TECTA: variants seen among roughly 807,000 people sequenced by gnomAD.
TECTA encodes tectorin alpha.
A neutral mutation model predicts 216.8 loss-of-function variants in TECTA; 128 were observed. That is an observed-to-expected ratio of 0.59 (90% CI 0.51 to 0.68). TECTA has a LOEUF of 0.68. TECTA is among the 30% of genes least tolerant of loss of function. The pLI is 0.00. For missense variants in TECTA, 2,551 were observed against 2,786.2 expected (o/e 0.92, Z 1.90); for synonymous variants, 1,089 against 1,117.1 (o/e 0.97, Z 0.50).
rs886974109 is a variant in TECTA at position 121,168,056 on chromosome 11, C to A, written c.5589C>A (p.Ser1863=). 8 of 1,614,002 alleles carry A rather than the reference C, an allele frequency of 5.0e-6. No individual in the cohort carries two copies. The highest frequency in any genetic ancestry group is 1.3e-5 in the African/African-American group (1 of 74,910). ...TKGNCGNIVQ[S]NGTHIMYKNT... Reference sequence around the variant, plus strand: ...TCTGACTTCCCCTTGTTCTGCAGTCCAATGGCACGCATATCATGTATAAAA... The same window carrying A: ...TCTGACTTCCCCTTGTTCTGCAGTCAAATGGCACGCATATCATGTATAAAA... The change falls in exon 19 of 24, where the codon TCC becomes TCA. Residue 1863 remains serine, a splice_region_variant and synonymous_variant. Transcript: ENST00000392793.
Position 121,127,635 on chromosome 11 carries a change from G to T in TECTA, c.1775-117G>T. The T allele has an allele frequency of 8.3e-7, 1 of 1,208,102 alleles. No individual in the cohort carries two copies. The highest frequency in any genetic ancestry group is 1.2e-6 in the Non-Finnish European group (1 of 817,758). 74.8% of individuals were successfully genotyped at this position (1,208,102 alleles called of 1,614,324 possible). On this transcript the variant is annotated intron_variant, in intron 8 of 23. Transcript: ENST00000392793. The surrounding 1 kb of genome is among the most constrained non-coding windows in gnomAD (Gnocchi z 5.0). ...ACCTCAATTCTGTCTTCCCCGAGTGGCCGCTTGACCCTCACTCTAGGAACT... is the reference window on the plus strand; with the variant it reads ...ACCTCAATTCTGTCTTCCCCGAGTGTCCGCTTGACCCTCACTCTAGGAACT...
At chr11:121,138,863 G>A (rs1946756868) in intron 11 of TECTA, among the ~76,000 whole-genome samples, 2 of 152,320 alleles carry the variant, frequency 1.3e-5, no homozygotes, top group South Asian at 2.1e-4. Flanking sequence ...TAGGGTGCTT[G>A]CCTTCTTGAC....
rs534022893 is a variant in TECTA at position 121,127,422 on chromosome 11, C to G, written c.1775-330C>G. On this transcript the variant is annotated intron_variant, in intron 8 of 23. Transcript: ENST00000392793. The surrounding 1 kb of genome is among the most constrained non-coding windows in gnomAD (Gnocchi z 5.0). ...ATTTATATGTCCATCAGTGGAAGGT[C>G]TTAAAATATCTCGGTAGTGTGGATC... Among the ~76,000 whole-genome samples the G allele has an allele frequency of 2.0e-5, 3 of 152,218 alleles. No homozygotes were observed. The South Asian group carries it at 6.2e-4, about 32-fold the overall frequency.
At chr11:121,155,505 A>G (rs928310899) in intron 13 of TECTA, among the ~76,000 whole-genome samples, 1 of 152,208 alleles carries the variant, frequency 6.6e-6, no homozygotes, top group Non-Finnish European at 1.5e-5. Context: ...TGAAGATGAA[A>G]GAATCAGCAA....
At position 121,153,051 on chromosome 11, in the gene TECTA, G is replaced by A. The variant is rs143250687; in HGVS notation, c.4276G>A (p.Gly1426Ser). 1.2e-6 allele frequency: 2 copies of A among 1,614,040 alleles called. No homozygotes were observed. The highest frequency in any genetic ancestry group is 1.3e-5 in the African/African-American group (1 of 75,058). ...GAGCTGCATCCTGCCCCACAGCTGC[G>A]GCTGCTACTCCGATGGCAAATATTA... ...GKSCILPHSCGCYSDGKYYEP... is the reference protein window; with the variant it reads ...GKSCILPHSCSCYSDGKYYEP... The change falls in exon 13 of 24, where the codon GGC (glycine) becomes AGC (serine). Residue 1426 changes from glycine (G) to serine (S), a missense_variant. Gly to Ser is a moderately conservative substitution (Grantham distance 56). Transcript: ENST00000392793.
At position 121,129,937 on chromosome 11, in the gene TECTA, TGG is replaced by T; in HGVS notation, c.2670_2671del (p.Asp891ProfsTer8). 6.2e-7 allele frequency: 1 copy of T among 1,610,640 alleles called. No homozygotes were observed. Among genetic ancestry groups the T allele is most frequent in the Non-Finnish European group, 8.5e-7 (1 of 1,177,500 alleles). On this transcript the variant is annotated frameshift_variant, in exon 10 of 24. Transcript: ENST00000392793. LOFTEE classifies it high-confidence loss of function. Reference sequence around the variant, plus strand: ...TCGAGGAGATCTGCAATGGAGAGTGTGGGGACCTGCTGAAGGCCTGCAACAAT... The same window carrying T: ...TCGAGGAGATCTGCAATGGAGAGTGTGGACCTGCTGAAGGCCTGCAACAAT... ...TFEEICNGECGDLLKACNNDS... is the reference protein window; with the variant it reads ...TFEEICNGECXDLLKACNNDS...
At chr11:121,133,460 A>ACC (rs372563450) in intron 10 of TECTA, among the ~76,000 whole-genome samples, 1 of 151,834 alleles carries the variant, frequency 6.6e-6, no homozygotes, top group African/African-American at 2.4e-5. Flanking sequence ...TTGGGGTGCC[A>ACC]GGATGGGGAA....
intron 6 of TECTA, among the ~76,000 whole-genome samples, chr11:121,115,494 G>A (rs1307438112): frequency 6.6e-6 from 1 of 152,178 alleles, no homozygotes; most frequent in Non-Finnish European, 1.5e-5. Flanking sequence ...CACAGAGGAA[G>A]ACCATGGGAA....
chr11:121,169,371 C>T (rs919581449), intron 20 of TECTA, among the ~76,000 whole-genome samples: 4 of 152,194 alleles, frequency 2.6e-5, no homozygotes, highest in African/African-American at 7.2e-5. Flanking sequence ...TCTGTTTACT[C>T]ACCACTGTAT....
intron 13 of TECTA, 23 bp from the exon 14 acceptor site, chr11:121,157,818 T>A: frequency 6.2e-7 from 1 of 1,613,074 alleles, no homozygotes; most frequent in South Asian, 1.1e-5. Flanking sequence ...CTGAATTTAA[T>A]GCAAACGGCG....
chr11:121,167,877 G>A (rs1426588223), intron 18 of TECTA, among the ~76,000 whole-genome samples, 177 bp from the exon 19 acceptor site: 1 of 152,128 alleles, frequency 6.6e-6, no homozygotes, highest in African/African-American at 2.4e-5. Flanking sequence ...GATATCTATT[G>A]TAATACTTTT....
At chr11:121,176,110 C>G (rs1947163649) in intron 20 of TECTA, among the ~76,000 whole-genome samples, 1 of 151,686 alleles carries the variant, frequency 6.6e-6, no homozygotes, top group Non-Finnish European at 1.5e-5. Context: ...TTCCTGAATA[C>G]AGCACACTGA....
chr11:121,106,752 C>T (rs1946394445), intron 3 of TECTA, among the ~76,000 whole-genome samples: 1 of 152,260 alleles, frequency 6.6e-6, no homozygotes, highest in Admixed American at 6.5e-5. Flanking sequence ...CTCTCTCTTC[C>T]CCAACTTTTG....
intron 1 of TECTA, 39 bp from the exon 2 acceptor site, chr11:121,102,626 G>A: frequency 1.3e-6 from 2 of 1,551,442 alleles, no homozygotes; most frequent in South Asian, 2.2e-5. Context: ...ACTCTGGCAA[G>A]CTGGGGATTT....
chr11:121,153,191 G>A, intron 13 of TECTA, 111 bp downstream of exon 13: 6 of 1,320,552 alleles, frequency 4.5e-6, no homozygotes, highest in East Asian at 2.5e-5. Context: ...GAAGAGCGTC[G>A]TGTTCGTGGC....
intron 13 of TECTA, among the ~76,000 whole-genome samples, chr11:121,153,902 A>G (rs766520565): frequency 2.5e-4 from 38 of 152,202 alleles, no homozygotes; most frequent in Non-Finnish European, 8.8e-5. Flanking sequence ...TATCAAAACC[A>G]TATGTTGGCA....
At chr11:121,149,505 G>T (rs1032114568) in intron 12 of TECTA, among the ~76,000 whole-genome samples, 1 of 152,162 alleles carries the variant, frequency 6.6e-6, no homozygotes, top group Admixed American at 6.5e-5. Flanking sequence ...GGAGCTTTAC[G>T]AATTATATCT....
chr11:121,101,801 C>T (rs745992002), intron 1 of TECTA, among the ~76,000 whole-genome samples: 6 of 152,174 alleles, frequency 3.9e-5, no homozygotes, highest in African/African-American at 9.7e-5. Flanking sequence ...TCTAGCCACA[C>T]GCTTGGGTGA....
At chr11:121,158,300 C>T (rs1458107073) in intron 14 of TECTA, 76 bp downstream of exon 14, 23 of 1,575,096 alleles carry the variant, frequency 1.5e-5, no homozygotes, top group Non-Finnish European at 1.6e-5. Flanking sequence ...TAGGGTTCTC[C>T]CAGATAGCCA....
Sources: allele counts gnomAD v4.1 joint callset (sites outside exome capture counted in the v4.1 genomes callset), GRCh38; gene constraint gnomAD v4.1.1; non-coding constraint Gnocchi (gnomAD v3.1); transcripts MANE v1.5; gene names NCBI Gene and HGNC (gene_info 2026-07-23, HGNC 2026-07-21).